Variants in TUT4 observed in about 807,000 individuals in gnomAD.
TUT4 encodes the protein terminal uridylyl transferase 4, also known as terminal uridylyltransferase 4.
Under a neutral mutation model 192.2 loss-of-function variants are expected in TUT4, and 36 were observed. The ratio of observed to expected loss-of-function variants is 0.19; its 90% CI spans 0.14 to 0.25. The LOEUF is 0.25. TUT4 is among the 10% of genes least tolerant of loss of function. The pLI, the probability that TUT4 is intolerant of heterozygous loss-of-function variation, is 1.00. For synonymous variants in TUT4, 618 were observed against 666.0 expected (o/e 0.93, Z 1.11); for missense variants, 1,493 against 1,957.2 (o/e 0.76, Z 4.47).
At chr1:52,510,449 G>A (rs1273758273) in intron 3 of TUT4, among the ~76,000 whole-genome samples, 3 of 151,176 alleles carry the variant, frequency 2.0e-5, no homozygotes, top group Non-Finnish European at 4.4e-5. Flanking sequence ...ATCTGCCCTC[G>A]AATTGGGGAT....
intron 2 of TUT4, among the ~76,000 whole-genome samples, chr1:52,517,813 T>G (rs1679109927): frequency 1.3e-5 from 2 of 152,206 alleles, no homozygotes; most frequent in Admixed American, 1.3e-4. Flanking sequence ...TTATTTCTAC[T>G]TTTCATGAAA....
At chr1:52,533,116 G>C (rs1265479693) in intron 1 of TUT4, among the ~76,000 whole-genome samples, 1 of 152,156 alleles carries the variant, frequency 6.6e-6, no homozygotes, top group Non-Finnish European at 1.5e-5. Context: ...CACTCAGCTA[G>C]TCCTTGGCCA....
intron 6 of TUT4, among the ~76,000 whole-genome samples, chr1:52,494,293 A>C (rs1012174802): frequency 6.6e-6 from 1 of 152,204 alleles, no homozygotes; most frequent in African/African-American, 2.4e-5. Flanking sequence ...GTTGAGATAA[A>C]AACTTTAAGG....
chr1:52,499,947 T>TACATATATATAC (rs1557862076), intron 4 of TUT4, among the ~76,000 whole-genome samples: 1 of 150,648 alleles, frequency 6.6e-6, no homozygotes, highest in African/African-American at 2.4e-5. Context: ...TACATATATA[T>TACATATATATAC]ACACACACAC....
chr1:52,488,188 T>C (rs571722697), intron 9 of TUT4, among the ~76,000 whole-genome samples: 3 of 152,348 alleles, frequency 2.0e-5, no homozygotes, highest in Non-Finnish European at 4.4e-5. Flanking sequence ...ATTTTTGCTA[T>C]GAAGTTACCA....
chr1:52,461,383 A>G (rs1405568775), intron 18 of TUT4, 130 bp downstream of exon 18: 1 of 1,106,288 alleles, frequency 9.0e-7, no homozygotes, highest in African/African-American at 1.6e-5. Context: ...AATCTGAAGG[A>G]ACTATCAAGA....
At chr1:52,519,180 A>G (rs1679533932) in intron 2 of TUT4, among the ~76,000 whole-genome samples, 2 of 152,246 alleles carry the variant, frequency 1.3e-5, no homozygotes, top group Non-Finnish European at 2.9e-5. Flanking sequence ...ATAATGCAAT[A>G]CTATTCGGCA....
intron 1 of TUT4, among the ~76,000 whole-genome samples, chr1:52,536,242 G>T (rs917555357): frequency 1.4e-4 from 22 of 152,122 alleles, no homozygotes; most frequent in African/African-American, 5.3e-4. Flanking sequence ...AAATATAAAG[G>T]AGGAGAGAAA....
intron 10 of TUT4, 27 bp from the exon 11 acceptor site, chr1:52,481,662 T>C: frequency 4.5e-6 from 7 of 1,551,036 alleles, no homozygotes; most frequent in Non-Finnish European, 6.1e-6. Context: ...TCCAAATTGG[T>C]AGTGGAAAAA....
intron 12 of TUT4, 122 bp from the exon 13 acceptor site, chr1:52,475,657 T>A: frequency 1.2e-6 from 1 of 857,140 alleles, no homozygotes; most frequent in Non-Finnish European, 1.7e-6. Context: ...GGGGTTTTTC[T>A]AAGCTAGACT....
intron 2 of TUT4, among the ~76,000 whole-genome samples, chr1:52,521,300 G>A (rs1449384381): frequency 6.6e-6 from 1 of 152,132 alleles, no homozygotes; most frequent in Non-Finnish European, 1.5e-5. Flanking sequence ...GTGCCAGGTG[G>A]GAGCTGAAGT....
Position 52,446,600 on chromosome 1 carries a change from G to A in TUT4, c.3503C>T (p.Thr1168Ile). Residue 1168 changes from threonine (T) to isoleucine (I), a missense_variant, in exon 21 of 30, where the codon ACA becomes ATA. By Grantham distance (89) the Thr-to-Ile change is moderately conservative (BLOSUM62 -1). Around this residue, in one of 7 missense-constraint regions of TUT4, gnomAD observed 141 missense variants for 382.7 expected, o/e 0.37. Coordinates refer to ENST00000257177, the MANE Select transcript of TUT4 (RefSeq NM_001009881.3). The part of the protein sequence containing the change: ...DGWNAFFFDK[T>I]EELKKRLPSL... ...CTATTTTAAAATTACCAGTTCTTCT[G>A]TTTTATCAAAGAAGAAAGCATTCCA... The A allele has an allele frequency of 6.2e-7, 1 of 1,606,542 alleles. No individual in the cohort carries two copies. The highest frequency in any genetic ancestry group is 8.5e-7 in the Non-Finnish European group (1 of 1,176,936).
At chr1:52,455,888 T>C (rs1167977069) in intron 20 of TUT4, among the ~76,000 whole-genome samples, 1 of 152,050 alleles carries the variant, frequency 6.6e-6, no homozygotes, top group East Asian at 1.9e-4. Flanking sequence ...AGCTGGCCAT[T>C]TCTTACAAAA....
chr1:52,462,653 T>C (rs1662944926), intron 16 of TUT4: 1 of 921,374 alleles, frequency 1.1e-6, no homozygotes, highest in African/African-American at 1.8e-5. Context: ...GCAGAATGCC[T>C]GGCACAAAAT....
chr1:52,532,210 CAG>C (rs1172661566), intron 1 of TUT4, among the ~76,000 whole-genome samples: 1 of 152,008 alleles, frequency 6.6e-6, no homozygotes, highest in Admixed American at 6.6e-5. Context: ...GGTTGAAAAA[CAG>C]TACTCTCTTG....
chr1:52,522,953 T>G (rs1445779690), intron 2 of TUT4, among the ~76,000 whole-genome samples: 1 of 151,520 alleles, frequency 6.6e-6, no homozygotes, highest in Non-Finnish European at 1.5e-5. Flanking sequence ...AAATCATGTT[T>G]TTCACCAATT....
intron 3 of TUT4, chr1:52,515,366 T>C (rs1021091507): frequency 3.8e-5 from 6 of 157,726 alleles, no homozygotes; most frequent in African/African-American, 1.4e-4. Context: ...CAGTGTCTAT[T>C]TGATGAGTGC....
chr1:52,486,445 A>G (rs949215512), intron 9 of TUT4, among the ~76,000 whole-genome samples: 4 of 152,132 alleles, frequency 2.6e-5, no homozygotes, highest in East Asian at 3.8e-4. Flanking sequence ...CTGCAATCTC[A>G]TATCACAGTT....
chr1:52,459,372 T>C (rs1409090832), intron 19 of TUT4, among the ~76,000 whole-genome samples: 1 of 151,958 alleles, frequency 6.6e-6, no homozygotes, highest in Non-Finnish European at 1.5e-5. Context: ...GTGGATTGCT[T>C]GAGCCCAAGA....
Sources: allele counts gnomAD v4.1 joint callset (sites outside exome capture counted in the v4.1 genomes callset), GRCh38; gene constraint gnomAD v4.1.1; regional missense constraint gnomAD v4.1.1; transcripts MANE v1.5; gene names NCBI Gene and HGNC (gene_info 2026-07-23, HGNC 2026-07-21).